Variants in MYO3A observed in about 807,000 individuals in gnomAD.
MYO3A encodes the protein myosin-IIIa.
In MYO3A, 180 loss-of-function variants were observed where a neutral mutation model predicts 192.7. That is an observed-to-expected ratio of 0.93 (90% CI 0.83 to 1.06). MYO3A has a LOEUF of 1.06. Among genes scored for constraint, MYO3A ranks in the 50% least tolerant of loss-of-function variants. MYO3A has a pLI of 0.00. For synonymous variants in MYO3A, 628 were observed against 645.3 expected (o/e 0.97, Z 0.41); for missense variants, 1,896 against 1,905.0 (o/e 1.00, Z 0.09).
At position 26,125,383 on chromosome 10, in the gene MYO3A, C is replaced by T. The variant is rs1175805656; in HGVS notation, c.1904-15C>T. The T allele has an allele frequency of 1.2e-6, 2 of 1,613,166 alleles. No individual in the cohort carries two copies. Among genetic ancestry groups the T allele is most frequent in the Non-Finnish European group, 1.7e-6 (2 of 1,179,442 alleles). ...GCCATAATTTCTTCTAACAATGCAT[C>T]TGTTTGTTTTTCAGGTGCTTCTTTG... On this transcript the variant is annotated splice_polypyrimidine_tract_variant and intron_variant, in intron 18 of 34. Transcript: ENST00000642920.
At chr10:26,159,610 A>T (rs1344354267) in intron 26 of MYO3A, among the ~76,000 whole-genome samples, 1 of 151,742 alleles carries the variant, frequency 6.6e-6, no homozygotes, top group East Asian at 1.9e-4. Flanking sequence ...TGATCTCCTG[A>T]CCTCGTGATC....
rs1001001676 is a variant in MYO3A at position 25,952,360 on chromosome 10, A to T, written c.168+82A>T. 2.7e-4 allele frequency: 366 copies of T among 1,356,078 alleles called. 1 individual carries two copies. Among genetic ancestry groups the T allele is most frequent in the Admixed American group, 1.5e-3 (78 of 51,454 alleles). The allele number at this position is 1,356,078 out of a possible 1,614,324, so 84.0% of individuals were successfully genotyped here. A position where few individuals can be genotyped will look rare whatever the true frequency, so the allele number is the denominator to read the frequency against. ...AAAAGACTGTATTTTATCTTGATTT[A>T]TTCATCACAATAGCAGTCTAAAACA... On this transcript the variant is annotated intron_variant, in intron 3 of 34. Transcript: ENST00000642920.
At chr10:26,126,631 G>T (rs774049400) in intron 19 of MYO3A, among the ~76,000 whole-genome samples, 8 of 152,018 alleles carry the variant, frequency 5.3e-5, no homozygotes, top group Non-Finnish European at 1.2e-4. Context: ...ATATGAAAAT[G>T]GAAAATATTC....
intron 2 of MYO3A, among the ~76,000 whole-genome samples, chr10:25,951,355 C>T (rs571322758): frequency 3.4e-4 from 52 of 152,150 alleles, no homozygotes; most frequent in Non-Finnish European, 5.9e-4. Flanking sequence ...GCTGGAGTAC[C>T]GAGGTGGTGC....
chr10:26,112,950 T>C (rs903434403), intron 17 of MYO3A, among the ~76,000 whole-genome samples: 3 of 151,972 alleles, frequency 2.0e-5, no homozygotes, highest in Admixed American at 6.6e-5. Flanking sequence ...TTTCGGGGGG[T>C]TTTTTGCACA....
chr10:26,018,910 C>T (rs79419120), intron 7 of MYO3A, among the ~76,000 whole-genome samples: 10,120 of 152,236 alleles, frequency 0.066, 419 homozygotes, highest in Non-Finnish European at 0.094. Context: ...TATTTTTACA[C>T]TCTAGCAAAC....
chr10:26,193,077 G>A (rs761629025), intron 31 of MYO3A, 128 bp from the exon 32 acceptor site: 11 of 778,942 alleles, frequency 1.4e-5, no homozygotes, highest in East Asian at 5.3e-5. Flanking sequence ...TGCAGCAAAC[G>A]TATTTCCTTT....
chr10:26,006,537 G>C (rs1196921855), intron 6 of MYO3A, among the ~76,000 whole-genome samples: 1 of 152,102 alleles, frequency 6.6e-6, no homozygotes, highest in Non-Finnish European at 1.5e-5. Flanking sequence ...AATAAAAAAT[G>C]ATAAAGGGGA....
intron 10 of MYO3A, among the ~76,000 whole-genome samples, chr10:26,042,090 A>G (rs1384611805): frequency 6.6e-6 from 1 of 152,136 alleles, no homozygotes; most frequent in Non-Finnish European, 1.5e-5. Context: ...TGCCAGATAT[A>G]CTATTCTAGG....
At chr10:26,005,703 A>G (rs558240595) in intron 6 of MYO3A, among the ~76,000 whole-genome samples, 81 of 152,288 alleles carry the variant, frequency 5.3e-4, no homozygotes, top group African/African-American at 1.8e-3. Context: ...ATATATGTAT[A>G]TATGTAATAC....
At chr10:26,094,245 A>G (rs74530135) in intron 15 of MYO3A, among the ~76,000 whole-genome samples, 1,657 of 152,178 alleles carry the variant, frequency 0.011, 37 homozygotes, top group African/African-American at 0.038. Context: ...TCTGTAAAAA[A>G]TTATTCTTGT....
At chr10:26,090,241 A>G (rs935013344) in intron 15 of MYO3A, among the ~76,000 whole-genome samples, 2 of 152,220 alleles carry the variant, frequency 1.3e-5, no homozygotes, top group African/African-American at 4.8e-5. Context: ...GGTGTATTCT[A>G]TGGAGTTGAG....
At position 26,174,467 on chromosome 10, in the gene MYO3A, G is replaced by A. The variant is rs772688870; in HGVS notation, c.4203G>A (p.Glu1401=). 1 of 1,613,946 alleles carries A rather than the reference G, an allele frequency of 6.2e-7. No homozygotes were observed. Among genetic ancestry groups the A allele is most frequent in the African/African-American group, 1.3e-5 (1 of 74,886 alleles). The change falls in exon 30 of 35, where the codon GAG becomes GAA. Residue 1401 remains glutamate (E), a synonymous_variant. Transcript: ENST00000642920. Reference sequence around the variant, plus strand: ...TGTATTCCTATCCCACAAAACATGAGGAAATCAATAACATCAAGAAGAAGG... The same window carrying A: ...TGTATTCCTATCCCACAAAACATGAAGAAATCAATAACATCAAGAAGAAGG... ...HNLYSYPTKH[E]EINNIKKKDN...
At chr10:26,095,193 C>G (rs981972597) in intron 15 of MYO3A, among the ~76,000 whole-genome samples, 1 of 152,092 alleles carries the variant, frequency 6.6e-6, no homozygotes, top group East Asian at 1.9e-4. Flanking sequence ...GCATCCAAAG[C>G]TTTGTGGTGG....
chr10:25,993,961 G>T (rs899472534), intron 4 of MYO3A, among the ~76,000 whole-genome samples: 2 of 152,168 alleles, frequency 1.3e-5, no homozygotes, highest in Non-Finnish European at 2.9e-5. Context: ...CATAGGTGCG[G>T]TGTGGTTCTG....
intron 6 of MYO3A, among the ~76,000 whole-genome samples, chr10:26,003,459 A>G (rs1840979042): frequency 6.6e-6 from 1 of 152,232 alleles, no homozygotes; most frequent in Non-Finnish European, 1.5e-5. Context: ...GCTAATGCTC[A>G]TTATGAATAC....
intron 30 of MYO3A, among the ~76,000 whole-genome samples, chr10:26,175,564 G>A (rs78740273): frequency 0.062 from 9,370 of 152,196 alleles, 376 homozygotes; most frequent in Non-Finnish European, 0.089. Flanking sequence ...TGAGAAACAC[G>A]ATAACTGCAC....
chr10:26,090,114 T>C (rs1836607254), intron 15 of MYO3A, among the ~76,000 whole-genome samples: 1 of 152,208 alleles, frequency 6.6e-6, no homozygotes, highest in Admixed American at 6.5e-5. Context: ...AAACCATTTG[T>C]TCTGCTTTCA....
In MYO3A at chr10:26,174,496, A is replaced by G; in HGVS notation, c.4232A>G (p.Asn1411Ser). 3.7e-6 allele frequency: 6 copies of G among 1,614,086 alleles called. No individual in the cohort carries two copies. The highest frequency in any genetic ancestry group is 5.1e-6 in the Non-Finnish European group (6 of 1,180,014). ...EEINNIKKKD[N>S]KDSKATSERE... ...ATCAATAACATCAAGAAGAAGGATA[A>G]CAAAGACTCGAAAGCAACTTCAGAA... is the stretch of plus-strand genomic sequence containing the variant. Residue 1411 changes from asparagine to serine, a missense_variant, in exon 30 of 35, where the codon AAC becomes AGC. Coordinates refer to ENST00000642920, the MANE Select transcript of MYO3A (RefSeq NM_017433.5).
Sources: allele counts gnomAD v4.1 joint callset (sites outside exome capture counted in the v4.1 genomes callset), GRCh38; gene constraint gnomAD v4.1.1; transcripts MANE v1.5; gene names NCBI Gene and HGNC (gene_info 2026-07-23, HGNC 2026-07-21).